GNG12: variants seen among roughly 807,000 people sequenced by gnomAD.
GNG12 encodes the protein guanine nucleotide-binding protein G(I)/G(S)/G(O) subunit gamma-12.
For synonymous variants in GNG12, 28 were observed against 29.7 expected (o/e 0.94, Z 0.19); for missense variants, 69 against 83.8 (o/e 0.82, Z 0.69).
chr1:67,732,357 G>A (rs1165637799), intron 2 of GNG12, among the ~76,000 whole-genome samples: 1 of 152,230 alleles, frequency 6.6e-6, no homozygotes, highest in African/African-American at 2.4e-5. Context: ...AAATCAGAAA[G>A]TCCAGCCTAA....
chr1:67,721,341 G>A (rs564047571), intron 2 of GNG12, among the ~76,000 whole-genome samples: 1 of 152,264 alleles, frequency 6.6e-6, no homozygotes. Context: ...GGTTCTAAAC[G>A]CGTGGTCACA....
intron 2 of GNG12, among the ~76,000 whole-genome samples, chr1:67,723,136 T>C (rs755280638): frequency 1.3e-5 from 2 of 152,184 alleles, no homozygotes; most frequent in Non-Finnish European, 2.9e-5. Context: ...AAAAGCTGGA[T>C]GTGAGAGCTG....
At chr1:67,813,118 T>C (rs1294049738) in intron 1 of GNG12, among the ~76,000 whole-genome samples, 2 of 152,244 alleles carry the variant, frequency 1.3e-5, no homozygotes, top group Non-Finnish European at 2.9e-5. Flanking sequence ...TGGCCACTCT[T>C]CTTTCCAAAC....
intron 1 of GNG12, among the ~76,000 whole-genome samples, chr1:67,816,748 G>A (rs892158024): frequency 6.6e-6 from 1 of 152,150 alleles, no homozygotes; most frequent in African/African-American, 2.4e-5. Context: ...GTGACAAGAC[G>A]TCCTGAGCCT....
chr1:67,724,379 G>T (rs528372112), intron 2 of GNG12, among the ~76,000 whole-genome samples: 11 of 152,176 alleles, frequency 7.2e-5, no homozygotes, highest in Non-Finnish European at 5.9e-5. Context: ...TTATAGAAGA[G>T]CATGCACTGT....
intron 2 of GNG12, among the ~76,000 whole-genome samples, chr1:67,769,312 G>A (rs891675480): frequency 1.3e-5 from 2 of 152,180 alleles, no homozygotes; most frequent in Non-Finnish European, 2.9e-5. Flanking sequence ...ACATGAAAAA[G>A]GAGGGCACGT....
intron 2 of GNG12, among the ~76,000 whole-genome samples, chr1:67,724,546 A>G (rs1466272463): frequency 6.6e-6 from 1 of 152,086 alleles, no homozygotes; most frequent in African/African-American, 2.4e-5. Flanking sequence ...TGTGCTTCCA[A>G]GCCCGGCTAA....
intron 2 of GNG12, among the ~76,000 whole-genome samples, chr1:67,765,147 CTT>C (rs985761680): frequency 5.9e-5 from 9 of 152,038 alleles, no homozygotes; most frequent in African/African-American, 2.2e-4. Context: ...GAAAAAATAA[CTT>C]ATAATAATCT....
At chr1:67,830,545 T>C (rs2100833879) in intron 1 of GNG12, among the ~76,000 whole-genome samples, 1 of 152,342 alleles carries the variant, frequency 6.6e-6, no homozygotes, top group African/African-American at 2.4e-5. Flanking sequence ...GAATTACACT[T>C]GGTTAAAGAT....
chr1:67,831,864 C>A (rs1015114843), intron 1 of GNG12, among the ~76,000 whole-genome samples: 2 of 152,196 alleles, frequency 1.3e-5, no homozygotes, highest in African/African-American at 4.8e-5. Context: ...TCCCGTCGTT[C>A]TAGCGCTGCC....
intron 2 of GNG12, among the ~76,000 whole-genome samples, chr1:67,757,292 T>G (rs1057250133): frequency 5.9e-5 from 9 of 152,240 alleles, no homozygotes; most frequent in Admixed American, 6.5e-5. Context: ...TCTGGTGTCA[T>G]GTCAGTGCTC....
chr1:67,707,793 G>GAT, intron 2 of GNG12, 81 bp from the exon 3 acceptor site: 1 of 700,548 alleles, frequency 1.4e-6, no homozygotes, highest in East Asian at 2.9e-5. Flanking sequence ...TCTACTTAAA[G>GAT]GGAAATAGAT....
intron 2 of GNG12, among the ~76,000 whole-genome samples, chr1:67,772,204 A>G (rs1277807390): frequency 6.6e-6 from 1 of 152,234 alleles, no homozygotes. Flanking sequence ...TAATGACAGA[A>G]GTTCACAGAT....
At chr1:67,783,107 C>T (rs527646685) in intron 1 of GNG12, among the ~76,000 whole-genome samples, 5 of 152,250 alleles carry the variant, frequency 3.3e-5, no homozygotes, top group African/African-American at 1.2e-4. Context: ...AATCTTAGCA[C>T]AGTGCCACTA....
intron 2 of GNG12, among the ~76,000 whole-genome samples, chr1:67,760,053 C>A (rs1157748439): frequency 6.6e-6 from 1 of 152,230 alleles, no homozygotes; most frequent in Non-Finnish European, 1.5e-5. Context: ...AGAAAAGCAG[C>A]ATTTTACAGT....
intron 2 of GNG12, among the ~76,000 whole-genome samples, chr1:67,750,615 C>T (rs927783160): frequency 1.3e-5 from 2 of 152,140 alleles, no homozygotes; most frequent in Non-Finnish European, 1.5e-5. Context: ...ATCATTAGCC[C>T]CTAACTTACA....
At chr1:67,831,693 ACT>A (rs1306428985) in intron 1 of GNG12, among the ~76,000 whole-genome samples, 5 of 152,226 alleles carry the variant, frequency 3.3e-5, no homozygotes, top group East Asian at 1.9e-4. Flanking sequence ...ATCACTTAAG[ACT>A]CTGTAAAATT....
chr1:67,813,800 T>A (rs1221277819), intron 1 of GNG12, among the ~76,000 whole-genome samples: 1 of 152,132 alleles, frequency 6.6e-6, no homozygotes, highest in South Asian at 2.1e-4. Context: ...CCCCATTATC[T>A]CTATCACCTC....
At chr1:67,775,823 A>G (rs1362405252) in intron 2 of GNG12, among the ~76,000 whole-genome samples, 2 of 152,220 alleles carry the variant, frequency 1.3e-5, no homozygotes, top group East Asian at 1.9e-4. Context: ...CATGTCATGG[A>G]GAAGGGAAAA....
Sources: allele counts gnomAD v4.1 joint callset (sites outside exome capture counted in the v4.1 genomes callset), GRCh38; gene constraint gnomAD v4.1.1; transcripts MANE v1.5; gene names NCBI Gene and HGNC (gene_info 2026-07-23, HGNC 2026-07-21).